REDIC1: variants seen among roughly 807,000 people sequenced by gnomAD.
REDIC1 encodes the protein regulator of DNA class I crossover intermediates 1.
At chr12:39,712,342 A>G in the REDIC1 span, among the ~76,000 whole-genome samples, 1 of 49,794 alleles carries the variant, frequency 2.0e-5, no homozygotes, top group African/African-American at 4.9e-5. Flanking sequence ...ATATACCTGT[A>G]TTTATATATA....
chr12:39,679,230 A>G, the REDIC1 span, among the ~76,000 whole-genome samples: 2 of 152,162 alleles, frequency 1.3e-5, no homozygotes, highest in African/African-American at 4.8e-5. Flanking sequence ...GCTGTTCACC[A>G]ATGACATAAT....
chr12:39,723,117 G>C, the REDIC1 span, among the ~76,000 whole-genome samples: 1 of 152,098 alleles, frequency 6.6e-6, no homozygotes, highest in Non-Finnish European at 1.5e-5. Context: ...GAAAAGTAAT[G>C]CTGTCCATCA....
chr12:39,659,717 A>G, the REDIC1 span, among the ~76,000 whole-genome samples: 3 of 151,882 alleles, frequency 2.0e-5, no homozygotes, highest in Non-Finnish European at 2.9e-5. Context: ...TACGAATTCC[A>G]TTATTTTTGT....
chr12:39,716,744 CT>C, the REDIC1 span: 4 of 1,579,254 alleles, frequency 2.5e-6, no homozygotes, highest in South Asian at 4.6e-5. Context: ...TGTATTAAAC[CT>C]TTATTTTCAG....
At chr12:39,641,034 A>T in the REDIC1 span, 36 of 1,523,778 alleles carry the variant, frequency 2.4e-5, no homozygotes, top group Non-Finnish European at 3.2e-5. Flanking sequence ...GCCTTATGAG[A>T]CTAATAACCT....
At chr12:39,865,171 G>A in the REDIC1 span, among the ~76,000 whole-genome samples, 7 of 152,218 alleles carry the variant, frequency 4.6e-5, no homozygotes, top group South Asian at 2.1e-4. Context: ...AAGAAACCAC[G>A]CACACCTAGT....
chr12:39,905,685 T>C, the REDIC1 span, among the ~76,000 whole-genome samples: 17 of 152,190 alleles, frequency 1.1e-4, no homozygotes, highest in Middle Eastern at 3.4e-3. Flanking sequence ...CATTAATATT[T>C]TAAAACATGC....
chr12:39,765,350 C>G, the REDIC1 span, among the ~76,000 whole-genome samples: 17 of 151,880 alleles, frequency 1.1e-4, no homozygotes, highest in Non-Finnish European at 1.3e-4. Flanking sequence ...TCCAAATAGC[C>G]CTCTCCCTTT....
At chr12:39,680,382 A>G in the REDIC1 span, among the ~76,000 whole-genome samples, 2 of 152,210 alleles carry the variant, frequency 1.3e-5, no homozygotes, top group African/African-American at 4.8e-5. Flanking sequence ...AAAATGCTCA[A>G]CATCACTAAA....
At chr12:39,711,589 GTATA>G in the REDIC1 span, among the ~76,000 whole-genome samples, 23 of 114,134 alleles carry the variant, frequency 2.0e-4, 1 homozygote, top group South Asian at 3.3e-3. Flanking sequence ...ACATGCATGT[GTATA>G]TGTGTATACA....
At chr12:39,754,944 C>G in the REDIC1 span, 1 of 151,962 alleles carries the variant, frequency 6.6e-6, no homozygotes, top group Admixed American at 6.6e-5. Flanking sequence ...GGTAGATTGT[C>G]TTTCTAGATG....
the REDIC1 span, among the ~76,000 whole-genome samples, chr12:39,799,184 G>A: frequency 1.4e-5 from 2 of 148,142 alleles, no homozygotes; most frequent in Admixed American, 1.4e-4. Context: ...CCAGGTTCAA[G>A]TGATTCTCCT....
chr12:39,789,056 T>G, the REDIC1 span, among the ~76,000 whole-genome samples: 1 of 152,126 alleles, frequency 6.6e-6, no homozygotes, highest in South Asian at 2.1e-4. Flanking sequence ...ATGTACACTT[T>G]AAAGAATGAT....
At chr12:39,834,402 C>T in the REDIC1 span, among the ~76,000 whole-genome samples, 1 of 152,120 alleles carries the variant, frequency 6.6e-6, no homozygotes, top group Admixed American at 6.6e-5. Context: ...AGTCATGGAC[C>T]AAACTTTTAA....
At chr12:39,654,855 G>A in the REDIC1 span, among the ~76,000 whole-genome samples, 2 of 152,148 alleles carry the variant, frequency 1.3e-5, no homozygotes, top group Admixed American at 1.3e-4. Flanking sequence ...ACCAGTGAAG[G>A]CATCTGCACA....
the REDIC1 span, among the ~76,000 whole-genome samples, chr12:39,897,276 C>G: frequency 6.6e-6 from 1 of 152,108 alleles, no homozygotes; most frequent in Admixed American, 6.6e-5. Flanking sequence ...TTTAAAAGAA[C>G]GTGGTTATGC....
At chr12:39,769,832 C>T in the REDIC1 span, among the ~76,000 whole-genome samples, 1 of 152,098 alleles carries the variant, frequency 6.6e-6, no homozygotes, top group Non-Finnish European at 1.5e-5. Flanking sequence ...CCTGACTACA[C>T]AATCCTTCTT....
the REDIC1 span, among the ~76,000 whole-genome samples, chr12:39,847,133 G>C: frequency 6.6e-6 from 1 of 152,174 alleles, no homozygotes; most frequent in Non-Finnish European, 1.5e-5. Flanking sequence ...AATGAGCACA[G>C]AGAGAACTAA....
the REDIC1 span, among the ~76,000 whole-genome samples, chr12:39,766,843 A>G: frequency 6.6e-6 from 1 of 152,212 alleles, no homozygotes; most frequent in Non-Finnish European, 1.5e-5. Flanking sequence ...GCAGCAATTC[A>G]GTCACATCTT....
Sources: gnomAD v4.1 joint callset for allele counts (sites outside exome capture counted in the v4.1 genomes callset) on GRCh38, gnomAD v4.1.1 for gene constraint, MANE v1.5 for transcripts, NCBI Gene and HGNC (gene_info 2026-07-23, HGNC 2026-07-21) for gene names.